Variants in NBAS observed in about 807,000 individuals in gnomAD.
NBAS encodes NAG/BC035112 fusion.
A neutral mutation model predicts 302.5 loss-of-function variants in NBAS; 219 were observed. The ratio of observed to expected loss-of-function variants is 0.72; its 90% CI spans 0.65 to 0.81. NBAS has a LOEUF of 0.81. Ranked by LOEUF, NBAS falls within the 30% of genes least tolerant of loss-of-function variation. The pLI is 0.00. For missense variants in NBAS, 2,932 were observed against 2,841.6 expected, an observed-to-expected ratio of 1.03 and a Z score of -0.72; for synonymous variants, 1,118 against 1,021.6, an observed-to-expected ratio of 1.09 and a Z score of -1.80.
chr2:15,260,305 T>C (rs1012967934), intron 44 of NBAS, among the ~76,000 whole-genome samples: 1 of 152,244 alleles, frequency 6.6e-6, no homozygotes, highest in African/African-American at 2.4e-5. Flanking sequence ...CCACCTGTAT[T>C]GAAATTACCT....
chr2:14,917,887 C>T, the NBAS span, among the ~76,000 whole-genome samples: 1 of 152,168 alleles, frequency 6.6e-6, no homozygotes, highest in African/African-American at 2.4e-5. Context: ...GGTAAAGGCA[C>T]TCAATTTCTT....
At chr2:15,556,157 C>A (rs1025913584) in intron 3 of NBAS, among the ~76,000 whole-genome samples, 1 of 152,098 alleles carries the variant, frequency 6.6e-6, no homozygotes, top group Admixed American at 6.6e-5. Context: ...CTAGAGAACG[C>A]CAAAGGTCTC....
At chr2:15,141,117 C>CTCTCTG in the NBAS span, among the ~76,000 whole-genome samples, 1 of 152,012 alleles carries the variant, frequency 6.6e-6, no homozygotes, top group Non-Finnish European at 1.5e-5. Context: ...AATCCAGTGT[C>CTCTCTG]TCTCTGTCTC....
chr2:15,206,092 A>T (rs748775186), intron 48 of NBAS, among the ~76,000 whole-genome samples: 1 of 152,202 alleles, frequency 6.6e-6, no homozygotes, highest in Non-Finnish European at 1.5e-5. Context: ...AACTTCCTAG[A>T]GACTTTAATG....
the NBAS span, among the ~76,000 whole-genome samples, chr2:14,894,193 G>T: frequency 6.6e-6 from 1 of 152,114 alleles, no homozygotes; most frequent in African/African-American, 2.4e-5. Context: ...AGCTACTAAA[G>T]AATGTGCTCC....
intron 12 of NBAS, among the ~76,000 whole-genome samples, chr2:15,486,643 C>T (rs776780387): frequency 1.3e-5 from 2 of 152,182 alleles, no homozygotes; most frequent in Non-Finnish European, 2.9e-5. Context: ...CCCCCCTTTC[C>T]CTTTCCTGTC....
At chr2:15,506,935 G>A (rs1661885094) in intron 10 of NBAS, among the ~76,000 whole-genome samples, 1 of 152,200 alleles carries the variant, frequency 6.6e-6, no homozygotes, top group Non-Finnish European at 1.5e-5. Flanking sequence ...GTGAAATGAT[G>A]GAGGGAAATC....
chr2:14,974,173 G>A, the NBAS span, among the ~76,000 whole-genome samples: 4 of 152,124 alleles, frequency 2.6e-5, no homozygotes, highest in South Asian at 2.1e-4. Context: ...CTACTACTGC[G>A]CATTAAGCTC....
the NBAS span, among the ~76,000 whole-genome samples, chr2:15,158,265 G>A: frequency 0.019 from 2,928 of 152,282 alleles, 103 homozygotes; most frequent in African/African-American, 0.066. Flanking sequence ...CGTTGCCATG[G>A]CAACTCCTGC....
At chr2:14,974,543 C>A in the NBAS span, among the ~76,000 whole-genome samples, 1 of 152,186 alleles carries the variant, frequency 6.6e-6, no homozygotes, top group Non-Finnish European at 1.5e-5. Context: ...TCAACAGATT[C>A]CTATTTGCAG....
At chr2:14,801,783 A>C in the NBAS span, among the ~76,000 whole-genome samples, 1 of 152,172 alleles carries the variant, frequency 6.6e-6, no homozygotes, top group African/African-American at 2.4e-5. Flanking sequence ...GGATGTGATT[A>C]AGTTATTTAA....
the NBAS span, among the ~76,000 whole-genome samples, chr2:14,991,430 A>T: frequency 1.3e-5 from 2 of 152,162 alleles, no homozygotes; most frequent in Non-Finnish European, 2.9e-5. Flanking sequence ...CAGAAACATA[A>T]GGTACCATTG....
chr2:15,070,034 T>C, the NBAS span, among the ~76,000 whole-genome samples: 2 of 152,212 alleles, frequency 1.3e-5, no homozygotes, highest in Non-Finnish European at 2.9e-5. Context: ...CAGAGTCCCC[T>C]GGCAGTATAC....
chr2:14,803,361 T>C, the NBAS span, among the ~76,000 whole-genome samples: 1 of 152,174 alleles, frequency 6.6e-6, no homozygotes, highest in Non-Finnish European at 1.5e-5. Context: ...CCTCTGCTGG[T>C]CTCTGGGGCT....
rs761477267 is a variant in NBAS, at chr2:15,461,253, A to G, written c.2287T>C (p.Phe763Leu). The change falls in exon 21 of 52, where the codon TTT becomes CTT. Residue 763 changes from phenylalanine (F) to leucine (L), a missense_variant. Coordinates refer to ENST00000281513, the MANE Select transcript of NBAS (RefSeq NM_015909.4). The part of the protein sequence containing the change: ...LPHRLAILSN[F>L]PETTSPHEYS... Reference sequence around the variant, plus strand: ...TCATGTGGAGAAGTGGTCTCTGGAAAGTTGGACAGAATTGCAAGGCGATGA... The same window carrying G: ...TCATGTGGAGAAGTGGTCTCTGGAAGGTTGGACAGAATTGCAAGGCGATGA... The G allele has an allele frequency of 6.2e-7, 1 of 1,613,918 alleles. No individual in the cohort carries two copies. The highest frequency in any genetic ancestry group is 1.7e-5 in the Admixed American group (1 of 60,024).
At chr2:14,952,011 T>G in the NBAS span, among the ~76,000 whole-genome samples, 3 of 152,192 alleles carry the variant, frequency 2.0e-5, no homozygotes, top group Non-Finnish European at 4.4e-5. Flanking sequence ...TGATTAAATA[T>G]TTTCACTCTC....
At chr2:15,417,743 A>C in intron 23 of NBAS, 31 bp from the exon 24 acceptor site, 1 of 1,590,158 alleles carries the variant, frequency 6.3e-7, no homozygotes, top group South Asian at 1.1e-5. Flanking sequence ...TAAGTTCCTG[A>C]GTATTATATA....
At chr2:14,838,782 T>C in the NBAS span, among the ~76,000 whole-genome samples, 1 of 151,964 alleles carries the variant, frequency 6.6e-6, no homozygotes, top group African/African-American at 2.4e-5. Flanking sequence ...GATTTTTATC[T>C]ACCACACACA....
In NBAS at chr2:15,167,151, C is replaced by T. The variant is rs200561560; in HGVS notation, c.7013G>A (p.Gly2338Asp). The change falls in exon 52 of 52, where the codon GGC becomes GAC. Residue 2338 changes from glycine to aspartate, a missense_variant. Coordinates refer to ENST00000281513, the MANE Select transcript of NBAS (RefSeq NM_015909.4). ...GAGAGACCCGGCTTCGGCTTCATGGCCGGCCTCCCGCAGGTGTCTGCCCAG... is the reference window on the plus strand; with the variant it reads ...GAGAGACCCGGCTTCGGCTTCATGGTCGGCCTCCCGCAGGTGTCTGCCCAG... ...EELGRHLREAGHEAEAGSLLL... is the reference protein window; with the variant it reads ...EELGRHLREADHEAEAGSLLL... 1.1e-5 allele frequency: 17 copies of T among 1,614,250 alleles called. No individual in the cohort carries two copies. The East Asian group carries it at 3.1e-4, about 30-fold the overall frequency.
Sources: gnomAD v4.1 joint callset for allele counts (sites outside exome capture counted in the v4.1 genomes callset) on GRCh38, gnomAD v4.1.1 for gene constraint, MANE v1.5 for transcripts, NCBI Gene and HGNC (gene_info 2026-07-23, HGNC 2026-07-21) for gene names.